PTPRJ: variants seen among roughly 807,000 people sequenced by gnomAD.
The protein encoded by PTPRJ is receptor-type tyrosine-protein phosphatase eta.
A neutral mutation model predicts 141.3 loss-of-function variants in PTPRJ; 129 were observed. That is an observed-to-expected ratio of 0.91 (90% CI 0.79 to 1.06). PTPRJ has a LOEUF of 1.06. PTPRJ is among the 50% of genes least tolerant of loss of function. PTPRJ has a pLI of 0.00. For synonymous variants in PTPRJ, 610 were observed against 640.5 expected (o/e 0.95, Z 0.72); for missense variants, 1,601 against 1,679.7 (o/e 0.95, Z 0.82).
intron 1 of PTPRJ, among the ~76,000 whole-genome samples, chr11:48,075,302 C>G (rs1402132628): frequency 6.6e-6 from 1 of 152,068 alleles, no homozygotes; most frequent in Admixed American, 6.6e-5. Flanking sequence ...CGCTACCACG[C>G]CCAGCTAATT....
intron 1 of PTPRJ, among the ~76,000 whole-genome samples, chr11:48,037,749 G>C (rs1302206572): frequency 6.6e-6 from 1 of 152,062 alleles, no homozygotes; most frequent in Non-Finnish European, 1.5e-5. Flanking sequence ...GGAGGCAGAG[G>C]TTGCAGTGAG....
In PTPRJ at chr11:48,153,793, C is replaced by G. The variant is rs369341339; in HGVS notation, c.3139-3C>G. 32 of 1,604,368 alleles carry G rather than the reference C, an allele frequency of 2.0e-5. No homozygotes were observed. Among genetic ancestry groups the G allele is most frequent in the Non-Finnish European group, 2.6e-5 (31 of 1,171,368 alleles). Reference sequence around the variant, plus strand: ...ATGAACACCTCATTTGTTTTGTTTTCAGGATCTGAAGCTTGTTGGAATTAG... The same window carrying G: ...ATGAACACCTCATTTGTTTTGTTTTGAGGATCTGAAGCTTGTTGGAATTAG... On this transcript the variant is annotated splice_region_variant and splice_polypyrimidine_tract_variant and intron_variant, in intron 18 of 24. Transcript: ENST00000418331.
chr11:48,066,690 A>G (rs551155090), intron 1 of PTPRJ, among the ~76,000 whole-genome samples: 1 of 151,810 alleles, frequency 6.6e-6, no homozygotes, highest in African/African-American at 2.4e-5. Context: ...GGTTCAAGCA[A>G]TTCTCCTGCC....
intron 1 of PTPRJ, among the ~76,000 whole-genome samples, chr11:48,024,981 C>T (rs1853768457): frequency 6.6e-6 from 1 of 152,228 alleles, no homozygotes. Flanking sequence ...AGGCTTGCTG[C>T]CTAATCCCCT....
intron 1 of PTPRJ, among the ~76,000 whole-genome samples, chr11:47,990,743 T>C (rs964038145): frequency 6.7e-6 from 1 of 149,284 alleles, no homozygotes; most frequent in African/African-American, 2.5e-5. Flanking sequence ...TGGAGTTCAG[T>C]GGCGCAATCT....
intron 1 of PTPRJ, among the ~76,000 whole-genome samples, chr11:47,993,545 G>A (rs568215273): frequency 1.3e-5 from 2 of 152,110 alleles, no homozygotes; most frequent in Non-Finnish European, 2.9e-5. Context: ...CTCCCATCTT[G>A]GCCTCCCAAA....
At chr11:48,122,751 A>G (rs973893210) in intron 4 of PTPRJ, among the ~76,000 whole-genome samples, 2 of 152,238 alleles carry the variant, frequency 1.3e-5, no homozygotes, top group Admixed American at 1.3e-4. Flanking sequence ...TGCATGAGAG[A>G]CATGTGCTGT....
intron 21 of PTPRJ, among the ~76,000 whole-genome samples, chr11:48,159,428 G>A (rs1452399995): frequency 1.3e-5 from 2 of 152,178 alleles, no homozygotes; most frequent in Non-Finnish European, 1.5e-5. Context: ...GGCAAAGGGA[G>A]CTGGATGGGG....
At chr11:48,077,705 C>T (rs1273907587) in intron 1 of PTPRJ, among the ~76,000 whole-genome samples, 2 of 152,204 alleles carry the variant, frequency 1.3e-5, no homozygotes, top group Non-Finnish European at 2.9e-5. Context: ...GTCTTTTTCC[C>T]TGCTCCGAAA....
At chr11:48,105,576 G>A (rs993833561) in intron 1 of PTPRJ, among the ~76,000 whole-genome samples, 4 of 152,136 alleles carry the variant, frequency 2.6e-5, no homozygotes, top group African/African-American at 7.2e-5. Flanking sequence ...ATGCCCCTGC[G>A]TCATTTTACA....
chr11:48,111,034 T>C (rs1204586685), intron 2 of PTPRJ, among the ~76,000 whole-genome samples: 1 of 152,162 alleles, frequency 6.6e-6, no homozygotes, highest in Non-Finnish European at 1.5e-5. Context: ...CCCAGCACTT[T>C]GGGAGGCTGA....
At chr11:48,104,197 A>G (rs1293534197) in intron 1 of PTPRJ, among the ~76,000 whole-genome samples, 1 of 152,086 alleles carries the variant, frequency 6.6e-6, no homozygotes, top group African/African-American at 2.4e-5. Context: ...AGGCCACCCC[A>G]CAGTGCCACA....
At position 48,139,676 on chromosome 11, in the gene PTPRJ, G is replaced by T. The variant is rs768525817; in HGVS notation, c.2343G>T (p.Thr781=). 3.7e-6 allele frequency: 6 copies of T among 1,614,144 alleles called. No individual in the cohort carries two copies. The highest frequency in any genetic ancestry group is 5.1e-6 in the Non-Finnish European group (6 of 1,180,024). The change falls in exon 11 of 25, where the codon ACG becomes ACT. Residue 781 remains threonine (T), a synonymous_variant. Transcript: ENST00000418331. ...ENGTEYRTEV[T]YLNFSTSYNI... Reference sequence around the variant, plus strand: ...GCACTGAGTATAGAACGGAAGTCACGTATTTGAATTTTTCTACCTCGTACA... The same window carrying T: ...GCACTGAGTATAGAACGGAAGTCACTTATTTGAATTTTTCTACCTCGTACA...
chr11:48,109,138 C>A lies in PTPRJ; in HGVS notation c.97-920C>A, dbSNP rs570243605. ...AAAGGCTCTAGGGGAGAATCAGTTT[C>A]GAGAATGTGAGGGGGCAGTGAGACC... On this transcript the variant is annotated intron_variant, in intron 1 of 24. Transcript: ENST00000418331. Among the ~76,000 whole-genome samples the A allele has an allele frequency of 3.3e-5, 5 of 151,980 alleles. No individual in the cohort carries two copies. In the East Asian group the frequency reaches 7.7e-4, roughly 23 times the overall value.
At position 48,144,796 on chromosome 11, in the gene PTPRJ, TG is replaced by T. The variant is rs1419946759; in HGVS notation, c.2698del (p.Glu900LysfsTer3). The T allele has an allele frequency of 3.1e-6, 5 of 1,614,224 alleles. No individual in the cohort carries two copies. Among genetic ancestry groups the T allele is most frequent in the Non-Finnish European group, 4.2e-6 (5 of 1,180,020 alleles). On this transcript the variant is annotated frameshift_variant, in exon 13 of 25. Transcript: ENST00000418331. LOFTEE classifies it high-confidence loss of function. ...AAAAGGGACGTTCTCAGAGCTTGTC[TG>T]AAGTTTTGAAATATGAAATTGACGT... ...EEKGRSQSLS[E>X]VLKYEIDVGN...
intron 1 of PTPRJ, among the ~76,000 whole-genome samples, chr11:47,982,183 C>A (rs1040740394): frequency 2.0e-5 from 3 of 152,344 alleles, no homozygotes; most frequent in Admixed American, 2.0e-4. Flanking sequence ...TCTCTCCTCG[C>A]AGTTTCCCCA....
intron 21 of PTPRJ, among the ~76,000 whole-genome samples, chr11:48,159,123 G>GGGTGTGTGTCTC (rs1555058316): frequency 3.6e-5 from 5 of 139,468 alleles, no homozygotes; most frequent in East Asian, 4.2e-4. Context: ...TGTATGTGGG[G>GGGTGTGTGTCTC]TGTGTGTGTG....
At chr11:48,047,439 G>A (rs1214338860) in intron 1 of PTPRJ, among the ~76,000 whole-genome samples, 2 of 152,060 alleles carry the variant, frequency 1.3e-5, no homozygotes, top group Admixed American at 1.3e-4. Flanking sequence ...GTTAGGGTTA[G>A]GGTGAAAAGC....
chr11:48,131,946 G>A, intron 8 of PTPRJ: 1 of 173,640 alleles, frequency 5.8e-6, no homozygotes, highest in Non-Finnish European at 1.2e-5. Context: ...TTGTCTCTCA[G>A]GTCTAATGGA....
Sources: allele counts gnomAD v4.1 joint callset (sites outside exome capture counted in the v4.1 genomes callset), GRCh38; gene constraint gnomAD v4.1.1; transcripts MANE v1.5; gene names NCBI Gene and HGNC (gene_info 2026-07-23, HGNC 2026-07-21).